The following SORD variants were observed in gnomAD, a reference collection of about 807,000 sequenced individuals.
SORD encodes sorbitol dehydrogenase.
A neutral mutation model predicts 35.6 loss-of-function variants in SORD; 18 were observed. The ratio of observed to expected loss-of-function variants is 0.51; its 90% CI spans 0.35 to 0.75. SORD has a LOEUF of 0.75. SORD is among the 30% of genes least tolerant of loss of function. SORD has a pLI of 0.01. For missense variants in SORD, 250 were observed against 390.2 expected (o/e 0.64, Z 3.03); for synonymous variants, 106 against 152.9 (o/e 0.69, Z 2.26).
intron 5 of SORD, among the ~76,000 whole-genome samples, chr15:45,065,745 C>T (rs1288991118): frequency 2.0e-5 from 3 of 152,072 alleles, no homozygotes; most frequent in Non-Finnish European, 4.4e-5. Flanking sequence ...CATGGTGAAA[C>T]CCCGTCTCTA....
At chr15:45,038,225 T>TA (rs1246876605) in intron 1 of SORD, among the ~76,000 whole-genome samples, 1 of 150,556 alleles carries the variant, frequency 6.6e-6, no homozygotes, top group Non-Finnish European at 1.5e-5. Context: ...TATTAAAAGA[T>TA]AAAAAGACTC....
At chr15:45,032,694 G>A (rs1892805394) in intron 1 of SORD, among the ~76,000 whole-genome samples, 2 of 152,142 alleles carry the variant, frequency 1.3e-5, no homozygotes, top group Non-Finnish European at 2.9e-5. Flanking sequence ...ATGGAGCCAG[G>A]AGAGCTTGGG....
At chr15:45,036,384 G>A (rs1566958042) in intron 1 of SORD, 1 of 455,694 alleles carries the variant, frequency 2.2e-6, no homozygotes, top group Admixed American at 2.4e-5. Flanking sequence ...TCCTCTTGTA[G>A]TCACTCATTA....
In SORD at chr15:45,038,141, TTCCTTCCTTCC is replaced by T. The variant is rs1566958496; in HGVS notation, c.67-2265_67-2255del. ...CTCGCATCCTCCCTTCCTTCCTTCC[TTCCTTCCTTCC>T]TTCCTTCCTTCCTTCCTTCCTTCCT... is the stretch of plus-strand genomic sequence containing the variant. On this transcript the variant is annotated intron_variant, in intron 1 of 8. Transcript: ENST00000267814. Among the ~76,000 whole-genome samples the T allele has an allele frequency of 1.7e-3, 179 of 106,282 alleles. 3 individuals are homozygous for T. The highest frequency in any genetic ancestry group is 8.1e-3 in the African/African-American group (173 of 21,338). The allele number at this position is 106,282 out of a possible 152,430, so 69.7% of individuals were successfully genotyped here. A position where few individuals can be genotyped will look rare whatever the true frequency, so the allele number is the denominator to read the frequency against.
At chr15:45,064,298 C>G (rs1376603362) in intron 4 of SORD, among the ~76,000 whole-genome samples, 3 of 152,142 alleles carry the variant, frequency 2.0e-5, no homozygotes, top group Admixed American at 6.5e-5. Flanking sequence ...TCCCTAGCTT[C>G]ATAACCTTGG....
At chr15:45,065,699 C>A (rs1210652206) in intron 5 of SORD, among the ~76,000 whole-genome samples, 11 of 152,184 alleles carry the variant, frequency 7.2e-5, no homozygotes, top group Admixed American at 7.2e-4. Context: ...GCCGGTGGAT[C>A]ACCTGAGCCC....
chr15:45,031,757 T>C lies in SORD; in HGVS notation c.66+8408T>C, dbSNP rs1319699396. Among the ~76,000 whole-genome samples the C allele has an allele frequency of 8.1e-5, 12 of 148,176 alleles. No homozygotes were observed. The Admixed American group carries it at 8.2e-4, about 10-fold the overall frequency. On this transcript the variant is annotated intron_variant, in intron 1 of 8. Coordinates refer to ENST00000267814, the MANE Select transcript of SORD (RefSeq NM_003104.6). ...CCGGTGTGAGCCATCCCGCCTGGCC[T>C]TGGCTTCCCTTTCTTATCAAGTTTT...
intron 5 of SORD, among the ~76,000 whole-genome samples, chr15:45,066,322 T>C (rs1893404289): frequency 6.6e-6 from 1 of 152,088 alleles, no homozygotes; most frequent in Admixed American, 6.5e-5. Flanking sequence ...AATTTTTTTT[T>C]TTCTTTTGAG....
At chr15:45,063,713 A>G (rs1240826882) in intron 4 of SORD, among the ~76,000 whole-genome samples, 1 of 152,192 alleles carries the variant, frequency 6.6e-6, no homozygotes, top group Non-Finnish European at 1.5e-5. Flanking sequence ...TAGAGCCCTT[A>G]TAAGTTCCTC....
intron 3 of SORD, among the ~76,000 whole-genome samples, chr15:45,055,831 C>G (rs1025453874): frequency 6.6e-6 from 1 of 152,066 alleles, no homozygotes; most frequent in African/African-American, 2.4e-5. Flanking sequence ...AAGGCTGGTT[C>G]AATATACGCA....
At position 45,061,194 on chromosome 15, in the gene SORD, G is replaced by C. The variant is rs768046280; in HGVS notation, c.393G>C (p.Arg131=). The C allele has an allele frequency of 1.5e-5, 24 of 1,614,096 alleles. 1 individual carries two copies. The highest frequency in any genetic ancestry group is 1.6e-4 in the Middle Eastern group (1 of 6,084). Residue 131 remains arginine (R), a synonymous_variant, in exon 4 of 9, where the codon CGG becomes CGC. Coordinates refer to ENST00000267814, the MANE Select transcript of SORD (RefSeq NM_003104.6). ...ATPPDDGNLC[R]FYKHNAAFCY... Reference sequence around the variant, plus strand: ...CCCCCGATGACGGGAACCTCTGCCGGTTCTATAAGCACAATGCAGCCTTTT... The same window carrying C: ...CCCCCGATGACGGGAACCTCTGCCGCTTCTATAAGCACAATGCAGCCTTTT...
chr15:45,063,210 G>A (rs1893350690), intron 4 of SORD, among the ~76,000 whole-genome samples: 1 of 151,102 alleles, frequency 6.6e-6, no homozygotes, highest in African/African-American at 2.4e-5. Flanking sequence ...CCTCTCTGAT[G>A]TCTTTTTAGG....
At chr15:45,047,586 T>C (rs930407009) in intron 3 of SORD, among the ~76,000 whole-genome samples, 2 of 152,228 alleles carry the variant, frequency 1.3e-5, no homozygotes, top group African/African-American at 4.8e-5. Flanking sequence ...ATTTGGTAAA[T>C]GGCAGGACTT....
chr15:45,046,224 T>C (rs990447497), intron 3 of SORD, among the ~76,000 whole-genome samples: 4 of 151,868 alleles, frequency 2.6e-5, no homozygotes, highest in African/African-American at 7.3e-5. Context: ...TCAGAGGAGA[T>C]AGAAGGAAGA....
chr15:45,026,061 C>T (rs1374556389), intron 1 of SORD, among the ~76,000 whole-genome samples: 1 of 152,120 alleles, frequency 6.6e-6, no homozygotes, highest in African/African-American at 2.4e-5. Flanking sequence ...CAGAGGAGAC[C>T]CACTGTGCTG....
In SORD at chr15:45,067,235, G is replaced by A. The variant is rs904531067; in HGVS notation, c.545-946G>A. Among the ~76,000 whole-genome samples the A allele has an allele frequency of 6.6e-5, 10 of 152,090 alleles. No individual in the cohort carries two copies. The East Asian group carries it at 1.7e-3, about 26-fold the overall frequency. ...AAATTAGCCAGGCGTGGTGGTGGGT[G>A]CCTGTAATCTCCACTACTTAGGAGG... On this transcript the variant is annotated intron_variant, in intron 5 of 8. Coordinates refer to ENST00000267814, the MANE Select transcript of SORD (RefSeq NM_003104.6).
intron 3 of SORD, among the ~76,000 whole-genome samples, chr15:45,055,446 G>T (rs1489232078): frequency 6.6e-6 from 1 of 152,158 alleles, no homozygotes; most frequent in African/African-American, 2.4e-5. Context: ...CCAGGAAGAA[G>T]TTGAATCTCT....
chr15:45,068,151 C>G (rs200301098), intron 5 of SORD, 30 bp from the exon 6 acceptor site: 3 of 1,586,468 alleles, frequency 1.9e-6, no homozygotes, highest in Non-Finnish European at 2.6e-6. Flanking sequence ...TAATATTTCA[C>G]GAACATATTC....
In SORD at chr15:45,026,700, C is replaced by G. The variant is rs141994651; in HGVS notation, c.66+3351C>G. The stretch of plus-strand genomic sequence containing the variant: ...GAAAAGTGTATCATTTAACTTACAT[C>G]ATTATTTGCTTTCCAAAAAGTGTAT... On this transcript the variant is annotated intron_variant, in intron 1 of 8. Transcript: ENST00000267814. 9.4e-3 allele frequency among the ~76,000 whole-genome samples: 1,427 copies of G among 152,370 alleles called. 20 individuals carry two copies. Among genetic ancestry groups the G allele is most frequent in the Non-Finnish European group, 0.014 (923 of 68,036 alleles).
Sources: allele counts gnomAD v4.1 joint callset (sites outside exome capture counted in the v4.1 genomes callset), GRCh38; gene constraint gnomAD v4.1.1; transcripts MANE v1.5; gene names NCBI Gene and HGNC (gene_info 2026-07-23, HGNC 2026-07-21).